Variants in DDX39B observed in about 807,000 individuals in gnomAD.
DDX39B encodes spliceosome RNA helicase DDX39B.
A neutral mutation model predicts 46.4 loss-of-function variants in DDX39B; 6 were observed. That is an observed-to-expected ratio of 0.13 (90% CI 0.07 to 0.26). The LOEUF (loss-of-function observed/expected upper bound fraction) is 0.26. DDX39B is among the 10% of genes least tolerant of loss of function. DDX39B has a pLI of 1.00. For missense variants in DDX39B, 185 were observed against 553.4 expected (o/e 0.33, Z 6.68); for synonymous variants, 174 against 199.4 (o/e 0.87, Z 1.07).
chr6:31,540,985 G>A (rs778258763), intron 1 of DDX39B: 20 of 428,026 alleles, frequency 4.7e-5, no homozygotes, highest in Non-Finnish European at 9.3e-5. Flanking sequence ...GGTAAAATAC[G>A]ACTAATAACT....
At position 31,531,455 on chromosome 6, in the gene DDX39B, T is replaced by C. The variant is rs1253258861; in HGVS notation, c.868-50A>G. On this transcript the variant is annotated intron_variant, in intron 7 of 10. Coordinates refer to ENST00000396172, the MANE Select transcript of DDX39B (RefSeq NM_004640.7). The surrounding 1 kb of genome is among the most constrained non-coding windows in gnomAD (Gnocchi z 5.8). Reference sequence around the variant, plus strand: ...CGCAAATTGGGGGAATAGGGGTCCATGGTGTGTGAGAGACATTACGTGGGA... The same window carrying C: ...CGCAAATTGGGGGAATAGGGGTCCACGGTGTGTGAGAGACATTACGTGGGA... 2.6e-6 allele frequency: 4 copies of C among 1,549,362 alleles called. No homozygotes were observed. The highest frequency in any genetic ancestry group is 2.7e-5 in the African/African-American group (2 of 73,566).
rs1767537173 is a variant in DDX39B, at chr6:31,534,405, G to T, written c.735+962C>A. On this transcript the variant is annotated intron_variant, in intron 6 of 10. Transcript: ENST00000396172. The surrounding 1 kb of genome is among the most constrained non-coding windows in gnomAD (Gnocchi z 5.1). ...CACGGGAAGGAACACTGCAGGGAGG[G>T]GAAGAACACACTCCACTGCTTATGC... 3 of 457,288 alleles carry T rather than the reference G, an allele frequency of 6.6e-6. No homozygotes were observed. Among genetic ancestry groups the T allele is most frequent in the East Asian group, 1.4e-4 (2 of 14,276 alleles). 28.3% of individuals were successfully genotyped at this position (457,288 alleles called of 1,614,324 possible).
intron 4 of DDX39B, among the ~76,000 whole-genome samples, chr6:31,537,435 AAAAT>A (rs929397523): frequency 2.6e-5 from 4 of 152,170 alleles, no homozygotes; most frequent in South Asian, 2.1e-4. Flanking sequence ...CAAAAAATAA[AAAAT>A]AAATAAATAA....
Position 31,530,493 on chromosome 6 carries a change from G to T in DDX39B, c.1271-43C>A. On this transcript the variant is annotated intron_variant, in intron 10 of 10. Coordinates refer to ENST00000396172, the MANE Select transcript of DDX39B (RefSeq NM_004640.7). This position sits in a 1 kb window ranked among gnomAD's most constrained non-coding sequence, Gnocchi z 4.5. ...CATGGTCAGAATAAGGCATGAAAAG[G>T]GGAAAGTGAGGCAGGAACACACGGC... The T allele has an allele frequency of 6.2e-7, 1 of 1,612,306 alleles. No individual in the cohort carries two copies.
At chr6:31,532,110 G>A (rs1767233984) in intron 7 of DDX39B, among the ~76,000 whole-genome samples, 1 of 152,038 alleles carries the variant, frequency 6.6e-6, no homozygotes, top group African/African-American at 2.4e-5. Flanking sequence ...GGGATTATGG[G>A]CATGAGCCAC....
chr6:31,536,469 G>A, intron 5 of DDX39B, 31 bp downstream of exon 5: 1 of 1,612,716 alleles, frequency 6.2e-7, no homozygotes, highest in Non-Finnish European at 8.5e-7. Flanking sequence ...CAACTCCCCA[G>A]CATTAGCCAA....
At chr6:31,533,787 C>G (rs1289944989) in intron 6 of DDX39B, 1 of 152,254 alleles carries the variant, frequency 6.6e-6, no homozygotes, top group East Asian at 1.9e-4. Context: ...CAGGCACACA[C>G]CATTATACCT....
intron 5 of DDX39B, 111 bp downstream of exon 5, chr6:31,536,389 G>A (rs760876299): frequency 8.8e-6 from 13 of 1,480,108 alleles, no homozygotes; most frequent in South Asian, 1.1e-5. Flanking sequence ...TCAGTCATGG[G>A]TGATAGATAA....
At chr6:31,538,541 A>G (rs1348847910) in intron 4 of DDX39B, among the ~76,000 whole-genome samples, 4 of 152,164 alleles carry the variant, frequency 2.6e-5, no homozygotes, top group Admixed American at 2.0e-4. Context: ...TATTAAACTG[A>G]TATGATTCAA....
intron 6 of DDX39B, chr6:31,533,857 G>C (rs1409935630): frequency 6.6e-6 from 1 of 152,222 alleles, no homozygotes; most frequent in African/African-American, 2.4e-5. Flanking sequence ...AACAAAGACA[G>C]AAATTACCAC....
intron 6 of DDX39B, 30 bp from the exon 7 acceptor site, chr6:31,532,941 G>A (rs765856436): frequency 5.4e-6 from 3 of 560,478 alleles, no homozygotes; most frequent in Non-Finnish European, 5.8e-6. Flanking sequence ...TGGGGAACGG[G>A]AGGAGGGCAG....
In DDX39B at chr6:31,530,286, A is replaced by C; in HGVS notation, c.*148T>G. On this transcript the variant is annotated 3_prime_UTR_variant, in exon 11 of 11. Transcript: ENST00000396172. This position sits in a 1 kb window ranked among gnomAD's most constrained non-coding sequence, Gnocchi z 4.5. ...TAAAAAAAAATTCTGACAAATCAGA[A>C]ATGGGGGTTCAGGAGTGGTGGTGAT... 1 of 1,009,106 alleles carries C rather than the reference A, an allele frequency of 9.9e-7. No individual in the cohort carries two copies. Among genetic ancestry groups the C allele is most frequent in the Non-Finnish European group, 1.4e-6 (1 of 694,742 alleles). The allele number at this position is 1,009,106 out of a possible 1,614,324, so 62.5% of individuals were successfully genotyped here.
At chr6:31,533,214 T>C in intron 6 of DDX39B, 1 of 310,850 alleles carries the variant, frequency 3.2e-6, no homozygotes, top group Non-Finnish European at 6.2e-6. Flanking sequence ...TGCCATTACC[T>C]CAAATAGAGG....
At chr6:31,540,894 C>A in intron 1 of DDX39B, 1 of 404,458 alleles carries the variant, frequency 2.5e-6, no homozygotes, top group Non-Finnish European at 4.6e-6. Context: ...GTAGCGGAAA[C>A]CAGAAAAGTT....
chr6:31,536,732 C>T, intron 4 of DDX39B, 49 bp from the exon 5 acceptor site: 1 of 1,595,986 alleles, frequency 6.3e-7, no homozygotes, highest in African/African-American at 1.3e-5. Context: ...GGAAAGAGTC[C>T]AATCCCCCCA....
In DDX39B at chr6:31,530,244, T is replaced by C; in HGVS notation, c.*190A>G. The C allele has an allele frequency of 1.2e-6, 1 of 808,454 alleles. No homozygotes were observed. The highest frequency in any genetic ancestry group is 1.9e-6 in the Non-Finnish European group (1 of 516,710). 50.1% of individuals were successfully genotyped at this position (808,454 alleles called of 1,614,324 possible). A position where few individuals can be genotyped will look rare whatever the true frequency, so the allele number is the denominator to read the frequency against. The stretch of plus-strand genomic sequence containing the variant: ...TTATAGATACCACAGACACATGTGT[T>C]TCATTTTTAGTTTTGTTAAAAAAAA... On this transcript the variant is annotated 3_prime_UTR_variant, in exon 11 of 11. Transcript: ENST00000396172. The surrounding 1 kb of genome is among the most constrained non-coding windows in gnomAD (Gnocchi z 4.5).
At chr6:31,537,573 C>T (rs1416752823) in intron 4 of DDX39B, among the ~76,000 whole-genome samples, 1 of 152,162 alleles carries the variant, frequency 6.6e-6, no homozygotes, top group African/African-American at 2.4e-5. Flanking sequence ...ATTACTGCTT[C>T]GGGCTAAATA....
In DDX39B at chr6:31,540,579, T is replaced by C. The variant is rs774634324; in HGVS notation, c.-47A>G. On this transcript the variant is annotated 5_prime_UTR_variant, in exon 2 of 11. Transcript: ENST00000396172. ...AGGGAAGGGGGATCTGGATGGGTTC[T>C]CGCAAAATAGGTGAAAACAAGGGGT... is the stretch of plus-strand genomic sequence containing the variant. The C allele has an allele frequency of 1.9e-6, 3 of 1,593,092 alleles. No individual in the cohort carries two copies. Among genetic ancestry groups the C allele is most frequent in the Non-Finnish European group, 2.6e-6 (3 of 1,164,046 alleles).
chr6:31,541,770 T>TC, intron 1 of DDX39B, 180 bp downstream of exon 1: 1 of 654,062 alleles, frequency 1.5e-6, no homozygotes, highest in South Asian at 1.5e-5. Flanking sequence ...CCCCTTAGCT[T>TC]CCCTTCCTTC....
Sources: allele counts gnomAD v4.1 joint callset (sites outside exome capture counted in the v4.1 genomes callset), GRCh38; gene constraint gnomAD v4.1.1; non-coding constraint Gnocchi (gnomAD v3.1); transcripts MANE v1.5; gene names NCBI Gene and HGNC (gene_info 2026-07-23, HGNC 2026-07-21).